Variants in SPATA12 observed in about 807,000 individuals in gnomAD.
SPATA12 encodes spermatogenesis-associated protein 12.
For synonymous variants in SPATA12, 85 were observed against 89.2 expected (o/e 0.95, Z 0.26); for missense variants, 219 against 226.4 (o/e 0.97, Z 0.21).
At chr3:57,061,033 A>G (rs1482120652) in intron 1 of SPATA12, among the ~76,000 whole-genome samples, 3 of 152,216 alleles carry the variant, frequency 2.0e-5, no homozygotes, top group Non-Finnish European at 2.9e-5. Flanking sequence ...AGTGACATCT[A>G]GCACATTCAC....
At chr3:57,069,376 A>AACACAC (rs147675971) in intron 1 of SPATA12, among the ~76,000 whole-genome samples, 8,953 of 146,378 alleles carry the variant, frequency 0.061, 289 homozygotes, top group African/African-American at 0.094. Flanking sequence ...CTGTCTCTCA[A>AACACAC]ACACACACAC....
chr3:57,069,411 A>ACACACACACACACAC (rs71076015), intron 1 of SPATA12, among the ~76,000 whole-genome samples: 1 of 147,696 alleles, frequency 6.8e-6, no homozygotes, highest in African/African-American at 2.5e-5. Context: ...ACACACACAC[A>ACACACACACACACAC]TTGTTTGTTT....
chr3:57,065,636 T>A (rs141740820), intron 1 of SPATA12, among the ~76,000 whole-genome samples: 9 of 152,246 alleles, frequency 5.9e-5, no homozygotes, highest in Non-Finnish European at 1.3e-4. Context: ...AAATAAAAGC[T>A]ATAATAAATG....
In SPATA12 at chr3:57,073,678, T is replaced by C; in HGVS notation, c.-17T>C. On this transcript the variant is annotated 5_prime_UTR_variant, in exon 2 of 2. Coordinates refer to ENST00000334325, the MANE Select transcript of SPATA12 (RefSeq NM_181727.2). ...CAGCCTCCTTTTCTGGAGAATTCTG[T>C]TTTTGACTTGGGCCCCATGTCCAGT... is the stretch of plus-strand genomic sequence containing the variant. The C allele has an allele frequency of 6.3e-7, 1 of 1,598,956 alleles. No homozygotes were observed. Among genetic ancestry groups the C allele is most frequent in the South Asian group, 1.1e-5 (1 of 88,926 alleles).
rs930040153 is a variant in SPATA12 at position 57,075,408 on chromosome 3, T to A, written c.*1141T>A. 1 of 167,038 alleles carries A rather than the reference T, an allele frequency of 6.0e-6. No homozygotes were observed. The highest frequency in any genetic ancestry group is 1.5e-5 in the Non-Finnish European group (1 of 68,132). The allele number at this position is 167,038 out of a possible 1,614,324, so 10.3% of individuals were successfully genotyped here. On this transcript the variant is annotated 3_prime_UTR_variant, in exon 2 of 2. Transcript: ENST00000334325. ...AGAGTAGCCCTCTCTCCCTAAATGT[T>A]TTTGAATAAATGAAATAAATGAGCT...
chr3:57,064,927 T>G (rs904852578), intron 1 of SPATA12, among the ~76,000 whole-genome samples: 3 of 152,176 alleles, frequency 2.0e-5, no homozygotes, highest in African/African-American at 7.2e-5. Context: ...ACAGTAAATT[T>G]TACGTTATGT....
intron 1 of SPATA12, among the ~76,000 whole-genome samples, chr3:57,069,376 A>AACACACAC (rs147675971): frequency 0.026 from 3,762 of 146,426 alleles, 55 homozygotes; most frequent in African/African-American, 0.039. Flanking sequence ...CTGTCTCTCA[A>AACACACAC]ACACACACAC....
intron 1 of SPATA12, among the ~76,000 whole-genome samples, chr3:57,072,049 C>A (rs1171453621): frequency 6.6e-6 from 1 of 152,114 alleles, no homozygotes; most frequent in Non-Finnish European, 1.5e-5. Flanking sequence ...CTGGGAAATG[C>A]AAATCAAAGT....
chr3:57,074,123 G>T lies in SPATA12; in HGVS notation c.429G>T (p.Trp143Cys). The T allele has an allele frequency of 6.2e-7, 1 of 1,613,694 alleles. No homozygotes were observed. Among genetic ancestry groups the T allele is most frequent in the Non-Finnish European group, 8.5e-7 (1 of 1,179,568 alleles). The change falls in exon 2 of 2, where the codon TGG becomes TGT. Residue 143 changes from tryptophan to cysteine, a missense_variant. Coordinates refer to ENST00000334325, the MANE Select transcript of SPATA12 (RefSeq NM_181727.2). ...GGGATAATGAGAGGACCACAGGATG[G>T]TTGTGGAGACTGTGTGAGGATATAG... ...EDGDNERTTG[W>C]LWRLCEDIDA... is the part of the protein sequence containing the mutation.
intron 1 of SPATA12, among the ~76,000 whole-genome samples, chr3:57,061,680 T>C (rs982688945): frequency 7.2e-5 from 11 of 152,218 alleles, no homozygotes; most frequent in African/African-American, 2.7e-4. Flanking sequence ...GACTATATGA[T>C]ACCTCTATGT....
chr3:57,070,003 A>C (rs1705795516), intron 1 of SPATA12, among the ~76,000 whole-genome samples: 1 of 152,174 alleles, frequency 6.6e-6, no homozygotes, highest in Non-Finnish European at 1.5e-5. Context: ...CATTCTTCAA[A>C]CTATGATGTG....
At chr3:57,071,010 AAAG>A (rs2107399484) in intron 1 of SPATA12, among the ~76,000 whole-genome samples, 1 of 151,726 alleles carries the variant, frequency 6.6e-6, no homozygotes, top group South Asian at 2.1e-4. Context: ...GAAAAAAGAA[AAAG>A]AAGGACAAAG....
intron 1 of SPATA12, among the ~76,000 whole-genome samples, chr3:57,069,114 G>C (rs1394904669): frequency 6.6e-6 from 1 of 151,848 alleles, no homozygotes; most frequent in African/African-American, 2.4e-5. Context: ...GCAGAGACGG[G>C]GTTTCACCAT....
Position 57,074,377 on chromosome 3 carries a change from C to T in SPATA12, c.*110C>T. 1 of 923,006 alleles carries T rather than the reference C, an allele frequency of 1.1e-6. No individual in the cohort carries two copies. The highest frequency in any genetic ancestry group is 1.7e-6 in the Non-Finnish European group (1 of 593,820). The allele number at this position is 923,006 out of a possible 1,614,324, so 57.2% of individuals were successfully genotyped here. ...ACCCCCACCAGGGGTGACTCGTAGCCATCCCTTTCTGCATCTTCTTAGATA... is the reference window on the plus strand; with the variant it reads ...ACCCCCACCAGGGGTGACTCGTAGCTATCCCTTTCTGCATCTTCTTAGATA... On this transcript the variant is annotated 3_prime_UTR_variant, in exon 2 of 2. Coordinates refer to ENST00000334325, the MANE Select transcript of SPATA12 (RefSeq NM_181727.2).
chr3:57,074,127 T>C lies in SPATA12; in HGVS notation c.433T>C (p.Trp145Arg), dbSNP rs1021338819. 6 of 1,613,906 alleles carry C rather than the reference T, an allele frequency of 3.7e-6. No homozygotes were observed. Among genetic ancestry groups the C allele is most frequent in the Admixed American group, 1.7e-5 (1 of 60,002 alleles). Residue 145 changes from tryptophan (W) to arginine (R), a missense_variant, in exon 2 of 2, where the codon TGG becomes CGG. By Grantham distance (101) the Trp-to-Arg change is moderately radical. Transcript: ENST00000334325. ...TAATGAGAGGACCACAGGATGGTTG[T>C]GGAGACTGTGTGAGGATATAGATGC... The part of the protein sequence containing the change: ...GDNERTTGWL[W>R]RLCEDIDAEP...
chr3:57,069,168 G>C (rs1705736372), intron 1 of SPATA12, among the ~76,000 whole-genome samples: 1 of 152,052 alleles, frequency 6.6e-6, no homozygotes. Context: ...TGATCCACTT[G>C]CCTCAGCCTC....
chr3:57,067,077 C>A (rs1003117193), intron 1 of SPATA12, among the ~76,000 whole-genome samples: 19 of 152,202 alleles, frequency 1.2e-4, no homozygotes, highest in African/African-American at 4.6e-4. Context: ...AGGACCTGTA[C>A]TTGCATGAAA....
chr3:57,074,569 A>T lies in SPATA12; in HGVS notation c.*302A>T, dbSNP rs1193961149. ...TTAAATGACATCAATTGATCAATCAATCGATCAATCAATGAAAGAGTGGGA... is the reference window on the plus strand; with the variant it reads ...TTAAATGACATCAATTGATCAATCATTCGATCAATCAATGAAAGAGTGGGA... On this transcript the variant is annotated 3_prime_UTR_variant, in exon 2 of 2. Transcript: ENST00000334325. 3.0e-6 allele frequency: 1 copy of T among 328,334 alleles called. No individual in the cohort carries two copies. The highest frequency in any genetic ancestry group is 2.1e-5 in the African/African-American group (1 of 47,126). The allele number at this position is 328,334 out of a possible 1,614,324, so 20.3% of individuals were successfully genotyped here.
At chr3:57,067,782 C>T (rs1308559791) in intron 1 of SPATA12, among the ~76,000 whole-genome samples, 1 of 150,164 alleles carries the variant, frequency 6.7e-6, no homozygotes, top group Non-Finnish European at 1.5e-5. Context: ...GAGATCGAGA[C>T]CATTGGCTAA....
Sources: gnomAD v4.1 joint callset for allele counts (sites outside exome capture counted in the v4.1 genomes callset) on GRCh38, gnomAD v4.1.1 for gene constraint, MANE v1.5 for transcripts, NCBI Gene and HGNC (gene_info 2026-07-23, HGNC 2026-07-21) for gene names.